COL18A1: variants seen among roughly 807,000 people sequenced by gnomAD.
The protein encoded by COL18A1 is collagen type XVIII alpha 1 chain.
Under a neutral mutation model 168.0 loss-of-function variants are expected in COL18A1, and 133 were observed. That is an observed-to-expected ratio of 0.79 (90% confidence interval 0.69 to 0.91). The LOEUF is 0.91. COL18A1 is among the 40% of genes least tolerant of loss of function. COL18A1 has a pLI of 0.00. For synonymous variants in COL18A1, 949 were observed against 809.0 expected (o/e 1.17, Z -2.94); for missense variants, 2,126 against 1,925.4 (o/e 1.10, Z -1.95).
intron 2 of COL18A1, among the ~76,000 whole-genome samples, chr21:45,434,636 C>T (rs1457131518): frequency 4.6e-5 from 7 of 152,204 alleles, no homozygotes; most frequent in African/African-American, 1.7e-4. Context: ...CAGAGGGTGG[C>T]AGAGGCTGAA....
At position 45,512,585 on chromosome 21, in the gene COL18A1, A is replaced by C; in HGVS notation, c.*187A>C. 1 of 643,158 alleles carries C rather than the reference A, an allele frequency of 1.6e-6. No homozygotes were observed. The highest frequency in any genetic ancestry group is 2.7e-6 in the Non-Finnish European group (1 of 373,922). 39.8% of individuals were successfully genotyped at this position (643,158 alleles called of 1,614,324 possible). ...AAGAGTGTATTTTTTTAAAAGTTTA[A>C]AACAGAAGCCTGATGCTGACATTCA... On this transcript the variant is annotated 3_prime_UTR_variant, in exon 42 of 42. Transcript: ENST00000651438.
At chr21:45,479,502 G>A (rs959758089) in intron 9 of COL18A1, among the ~76,000 whole-genome samples, 5 of 151,968 alleles carry the variant, frequency 3.3e-5, no homozygotes, top group African/African-American at 1.2e-4. Flanking sequence ...GCACACATGT[G>A]CACACCATGG....
intron 2 of COL18A1, among the ~76,000 whole-genome samples, chr21:45,410,484 G>A (rs1187499228): frequency 6.6e-6 from 1 of 152,208 alleles, no homozygotes; most frequent in Non-Finnish European, 1.5e-5. Flanking sequence ...CAGGGAGGAA[G>A]GCCAGTGGGA....
intron 3 of COL18A1, among the ~76,000 whole-genome samples, chr21:45,469,599 G>T (rs2035343018): frequency 1.3e-5 from 2 of 152,206 alleles, no homozygotes; most frequent in Non-Finnish European, 2.9e-5. Context: ...CCCATGTGGG[G>T]TCTGTGTCCA....
At chr21:45,504,272 C>T (rs527965113) in intron 33 of COL18A1, 144 bp from the exon 34 acceptor site, 24 of 911,350 alleles carry the variant, frequency 2.6e-5, no homozygotes, top group Admixed American at 7.0e-5. Context: ...GGTGGGGAGT[C>T]GAGCCCTATT....
In COL18A1 at chr21:45,480,503, G is replaced by T. The variant is rs369917403; in HGVS notation, c.1435G>T (p.Asp479Tyr). The T allele has an allele frequency of 6.2e-7, 1 of 1,614,142 alleles. No homozygotes were observed. Among genetic ancestry groups the T allele is most frequent in the South Asian group, 1.1e-5 (1 of 91,088 alleles). Residue 479 changes from aspartate to tyrosine, a missense_variant, in exon 12 of 42, where the codon GAT (aspartate) becomes TAT (tyrosine). Transcript: ENST00000651438. ...CATGGAGGGATCTGGCTTCGGGGGCGATCTGGAGGCCCTGCGGGTGAGTGG... is the reference window on the plus strand; with the variant it reads ...CATGGAGGGATCTGGCTTCGGGGGCTATCTGGAGGCCCTGCGGGTGAGTGG... ...IDMEGSGFGG[D>Y]LEALRGPRGF...
chr21:45,504,320 G>A (rs991325613), intron 33 of COL18A1, 96 bp from the exon 34 acceptor site: 14 of 1,297,008 alleles, frequency 1.1e-5, no homozygotes, highest in Non-Finnish European at 1.3e-5. Context: ...GGCTCCGGAA[G>A]CTTCTGACTG....
rs1490170931 is a variant in COL18A1, at chr21:45,442,900, A to G, written c.107-25342A>G. ...GGTGCTGGTGTGGGCAGCGGTGCTGATGTGGGTGGTGGTGCTGGTGTGGGC... is the reference window on the plus strand; with the variant it reads ...GGTGCTGGTGTGGGCAGCGGTGCTGGTGTGGGTGGTGGTGCTGGTGTGGGC... On this transcript the variant is annotated intron_variant, in intron 2 of 41. Transcript: ENST00000651438. Among the ~76,000 whole-genome samples, 196 of 37,404 alleles carry G rather than the reference A, an allele frequency of 5.2e-3. 2 individuals are homozygous for G. Among genetic ancestry groups the G allele is most frequent in the Middle Eastern group, 0.019 (1 of 52 alleles). The allele number at this position is 37,404 out of a possible 152,430, so 24.5% of individuals were successfully genotyped here.
At chr21:45,494,379 G>T in intron 26 of COL18A1, 166 bp from the exon 27 acceptor site, 2 of 935,846 alleles carry the variant, frequency 2.1e-6, no homozygotes, top group Non-Finnish European at 1.7e-6. Context: ...CCTGCGCCTT[G>T]GGGACGGCCC....
intron 2 of COL18A1, among the ~76,000 whole-genome samples, chr21:45,442,898 T>C (rs954786402): frequency 2.1e-5 from 3 of 139,618 alleles, no homozygotes; most frequent in Non-Finnish European, 4.6e-5. Flanking sequence ...GCAGCGGTGC[T>C]GATGTGGGTG....
At chr21:45,440,842 A>T (rs11089005) in intron 2 of COL18A1, among the ~76,000 whole-genome samples, 1 of 152,062 alleles carries the variant, frequency 6.6e-6, no homozygotes, top group Non-Finnish European at 1.5e-5. Context: ...GCCCCTGGCC[A>T]TGGGCCCAGG....
chr21:45,439,294 C>G (rs1006390094), intron 2 of COL18A1, among the ~76,000 whole-genome samples: 1 of 152,194 alleles, frequency 6.6e-6, no homozygotes, highest in Non-Finnish European at 1.5e-5. Context: ...GGTCCAGGGG[C>G]GCGGAGGGCG....
At chr21:45,408,509 G>A (rs1390934949) in intron 2 of COL18A1, 3 of 152,344 alleles carry the variant, frequency 2.0e-5, no homozygotes, top group Admixed American at 1.3e-4. Context: ...GGGAGTGCCA[G>A]GGGATCCTGT....
At position 45,504,517 on chromosome 21, in the gene COL18A1, CCCA is replaced by C. The variant is rs757787509; in HGVS notation, c.2830_2832del (p.Pro944del). 238 of 13,174 alleles carry C rather than the reference CCCA, an allele frequency of 0.018. 2 individuals are homozygous for C. The African/African-American group carries it at 0.32, about 18-fold the overall frequency. The allele number at this position is 13,174 out of a possible 1,614,324, so 0.8% of individuals were successfully genotyped here. On this transcript the variant is annotated inframe_deletion, in exon 34 of 42. Coordinates refer to ENST00000651438, the MANE Select transcript of COL18A1 (RefSeq NM_001379500.1). ...CCAGCCTGCCCGGCCCCCCCGGCCC[CCCA>C]GGCCCCCCAGGCCCACGTGGCTACC...
intron 2 of COL18A1, among the ~76,000 whole-genome samples, chr21:45,453,581 T>C (rs1489719498): frequency 6.6e-6 from 1 of 152,038 alleles, no homozygotes; most frequent in Admixed American, 6.5e-5. Flanking sequence ...TGCGATGCTG[T>C]GGAGGTGCTT....
At chr21:45,422,581 T>C (rs1302452391) in intron 2 of COL18A1, 1 of 472,422 alleles carries the variant, frequency 2.1e-6, no homozygotes, top group Non-Finnish European at 4.4e-6. Flanking sequence ...GTCGCCGTCC[T>C]GTGCGGGTCT....
rs113473655 is a variant in COL18A1 at position 45,443,003 on chromosome 21, C to T, written c.107-25239C>T. Reference sequence around the variant, plus strand: ...TGGGTGGCGGTGCTGGTGTGGGCGGCGGTGCTGATGTGGGTGGTGGTGGTG... The same window carrying T: ...TGGGTGGCGGTGCTGGTGTGGGCGGTGGTGCTGATGTGGGTGGTGGTGGTG... On this transcript the variant is annotated intron_variant, in intron 2 of 41. Transcript: ENST00000651438. This position sits in a 1 kb window ranked among gnomAD's most constrained non-coding sequence, Gnocchi z 5.2. 2.1e-4 allele frequency among the ~76,000 whole-genome samples: 23 copies of T among 110,970 alleles called. 2 individuals are homozygous for T. Among genetic ancestry groups the T allele is most frequent in the African/African-American group, 7.9e-4 (19 of 24,002 alleles). 72.8% of individuals were successfully genotyped at this position (110,970 alleles called of 152,430 possible).
intron 2 of COL18A1, chr21:45,421,646 G>A: frequency 2.0e-6 from 1 of 512,422 alleles, no homozygotes; most frequent in South Asian, 1.4e-5. Flanking sequence ...GGGTCAGGTG[G>A]CTGGCAGGTT....
intron 40 of COL18A1, 139 bp downstream of exon 40, chr21:45,510,400 A>C: frequency 1.0e-6 from 1 of 997,304 alleles, no homozygotes; most frequent in Non-Finnish European, 1.5e-6. Flanking sequence ...TGGCGACTTC[A>C]GGGCAGGCTC....
Sources: allele counts gnomAD v4.1 joint callset (sites outside exome capture counted in the v4.1 genomes callset), GRCh38; gene constraint gnomAD v4.1.1; non-coding constraint Gnocchi (gnomAD v3.1); transcripts MANE v1.5; gene names NCBI Gene and HGNC (gene_info 2026-07-23, HGNC 2026-07-21).